CDH13: variants seen among roughly 807,000 people sequenced by gnomAD.
CDH13 encodes cadherin 13, also known as cadherin-13.
In CDH13, 24 loss-of-function variants were observed where a neutral mutation model predicts 63.8. The ratio of observed to expected loss-of-function variants is 0.38; its 90% confidence interval spans 0.27 to 0.53. The LOEUF (loss-of-function observed/expected upper bound fraction) is 0.53, where lower values mean the gene tolerates loss of function less well. Among genes scored for constraint, CDH13 ranks in the 20% least tolerant of loss-of-function variants. The pLI, the probability that CDH13 is intolerant of heterozygous loss-of-function variation, is 0.85. For synonymous variants in CDH13, 503 were observed against 355.3 expected, an observed-to-expected ratio of 1.42 and a Z score of -4.67; for missense variants, 1,049 against 903.1, an observed-to-expected ratio of 1.16 and a Z score of -2.07.
Position 83,112,221 on chromosome 16 carries a change from G to A in CDH13, c.367-13164G>A, listed in dbSNP as rs546544659. On this transcript the variant is annotated intron_variant, in intron 3 of 13. Transcript: ENST00000567109. Reference sequence around the variant, plus strand: ...TGCAACCATTGTGTATTTGGTCTATGTATCAGTTAGGGCAGGCTAATTACT... The same window carrying A: ...TGCAACCATTGTGTATTTGGTCTATATATCAGTTAGGGCAGGCTAATTACT... Among the ~76,000 whole-genome samples the A allele has an allele frequency of 2.0e-5, 3 of 152,276 alleles. No homozygotes were observed. In the East Asian group the frequency reaches 5.8e-4, roughly 29 times the overall value.
chr16:83,527,768 GGTT>G (rs1228690711), intron 7 of CDH13, among the ~76,000 whole-genome samples: 2 of 152,136 alleles, frequency 1.3e-5, no homozygotes, highest in Admixed American at 6.5e-5. Flanking sequence ...CACCTATTAC[GGTT>G]GTTGTTGTCA....
rs149145927 is a variant in CDH13, at chr16:82,988,844, G to A, written c.158-43166G>A. Among the ~76,000 whole-genome samples the A allele has an allele frequency of 6.6e-5, 10 of 151,944 alleles. No homozygotes were observed. In the East Asian group the frequency reaches 9.7e-4, roughly 15 times the overall value. ...CTCACTCAGTAGGTTGCTGTGTCCC[G>A]CAAGGTAGGAGGTGTTCTGTGGGTG... is the stretch of plus-strand genomic sequence containing the variant. On this transcript the variant is annotated intron_variant, in intron 2 of 13. Transcript: ENST00000567109.
intron 10 of CDH13, among the ~76,000 whole-genome samples, chr16:83,708,017 A>G (rs994098758): frequency 3.9e-5 from 6 of 152,120 alleles, no homozygotes; most frequent in African/African-American, 1.4e-4. Context: ...TTCCCAAGCA[A>G]CTTGCCCAGG....
intron 1 of CDH13, among the ~76,000 whole-genome samples, chr16:82,672,047 C>G (rs903966635): frequency 2.6e-5 from 4 of 152,158 alleles, no homozygotes; most frequent in Non-Finnish European, 4.4e-5. Context: ...AGCTTCTCTT[C>G]TACACTCTCT....
chr16:82,989,667 G>A (rs1023047625), intron 2 of CDH13, among the ~76,000 whole-genome samples: 1 of 152,188 alleles, frequency 6.6e-6, no homozygotes, highest in South Asian at 2.1e-4. Flanking sequence ...AATCTCAGCA[G>A]TCATGCTGTA....
At chr16:82,883,652 G>C (rs2040782966) in intron 2 of CDH13, among the ~76,000 whole-genome samples, 1 of 152,168 alleles carries the variant, frequency 6.6e-6, no homozygotes, top group Admixed American at 6.5e-5. Flanking sequence ...CTCTACGAGG[G>C]AGTCATAAAT....
intron 12 of CDH13, among the ~76,000 whole-genome samples, chr16:83,782,970 G>A (rs189051450): frequency 2.8e-4 from 43 of 152,034 alleles, no homozygotes; most frequent in Non-Finnish European, 5.1e-4. Flanking sequence ...GATTATAATC[G>A]CGCCGAGGCA....
At chr16:83,228,491 G>A (rs2039908676) in intron 5 of CDH13, among the ~76,000 whole-genome samples, 1 of 152,204 alleles carries the variant, frequency 6.6e-6, no homozygotes, top group African/African-American at 2.4e-5. Flanking sequence ...GCTAGCTGGG[G>A]CAATGATTTG....
At chr16:83,507,643 C>T (rs1009106577) in intron 7 of CDH13, among the ~76,000 whole-genome samples, 5 of 152,198 alleles carry the variant, frequency 3.3e-5, no homozygotes, top group Non-Finnish European at 5.9e-5. Context: ...GCATAGCACC[C>T]TGAATTGCCT....
chr16:82,853,274 A>G (rs286675), intron 1 of CDH13, among the ~76,000 whole-genome samples: 141,762 of 152,236 alleles, frequency 0.93, 66,834 homozygotes, highest in East Asian at 1. Context: ...ATGTCCCTGT[A>G]TGTAGTCTAA....
chr16:83,220,221 T>C (rs2039656887), intron 5 of CDH13, among the ~76,000 whole-genome samples: 1 of 152,206 alleles, frequency 6.6e-6, no homozygotes, highest in African/African-American at 2.4e-5. Flanking sequence ...AGCTTCTTCC[T>C]TGAAGAAGCA....
chr16:83,028,150 T>C (rs577276613), intron 2 of CDH13, among the ~76,000 whole-genome samples: 1 of 152,332 alleles, frequency 6.6e-6, no homozygotes, highest in African/African-American at 2.4e-5. Flanking sequence ...ATGCTGGCGA[T>C]TGAAGCAGTC....
intron 3 of CDH13, among the ~76,000 whole-genome samples, chr16:83,083,664 C>T (rs749770609): frequency 2.6e-4 from 39 of 152,272 alleles, no homozygotes; most frequent in Middle Eastern, 6.8e-3. Flanking sequence ...CAGAGAAACT[C>T]GATAGAACTA....
chr16:82,831,539 G>T (rs2038540737), intron 1 of CDH13, among the ~76,000 whole-genome samples: 2 of 152,004 alleles, frequency 1.3e-5, no homozygotes, highest in African/African-American at 4.8e-5. Flanking sequence ...ATGACACAAA[G>T]ATTTCCTGAC....
intron 8 of CDH13, among the ~76,000 whole-genome samples, chr16:83,635,668 T>C (rs1419781199): frequency 6.6e-6 from 1 of 152,118 alleles, no homozygotes; most frequent in Non-Finnish European, 1.5e-5. Flanking sequence ...TCTTTTAATG[T>C]TTGAGTGTTG....
chr16:83,063,566 C>T (rs2031762787), intron 3 of CDH13, among the ~76,000 whole-genome samples: 1 of 152,182 alleles, frequency 6.6e-6, no homozygotes, highest in Non-Finnish European at 1.5e-5. Flanking sequence ...GAAGATATAG[C>T]TGTAGTTAGC....
At chr16:83,787,830 C>G (rs559218605) in intron 13 of CDH13, among the ~76,000 whole-genome samples, 1 of 152,276 alleles carries the variant, frequency 6.6e-6, no homozygotes, top group South Asian at 2.1e-4. Context: ...ATAATCCCAG[C>G]TACTCGGGAG....
At chr16:82,954,785 C>T (rs1383231002) in intron 2 of CDH13, 4 of 151,366 alleles carry the variant, frequency 2.6e-5, no homozygotes, top group African/African-American at 7.3e-5. Flanking sequence ...AGTCATACCT[C>T]ATTTTCCACC....
rs188994741 is a variant in CDH13, at chr16:83,061,342, T to G, written c.366+29124T>G. On this transcript the variant is annotated intron_variant, in intron 3 of 13. Transcript: ENST00000567109. The stretch of plus-strand genomic sequence containing the variant: ...TGCAAAGGGGCTTTGTCCGGATGAG[T>G]GGATTTTTTGTGTCCCTTACACCAT... Among the ~76,000 whole-genome samples the G allele has an allele frequency of 3.3e-5, 5 of 151,812 alleles. No individual in the cohort carries two copies. In the East Asian group the frequency reaches 7.7e-4, roughly 23 times the overall value.
Sources: allele counts gnomAD v4.1 joint callset (sites outside exome capture counted in the v4.1 genomes callset), GRCh38; gene constraint gnomAD v4.1.1; transcripts MANE v1.5; gene names NCBI Gene and HGNC (gene_info 2026-07-23, HGNC 2026-07-21).